IGF2BP2: variants seen among roughly 807,000 people sequenced by gnomAD.
The protein encoded by IGF2BP2 is insulin like growth factor 2 mRNA binding protein 2.
Under a neutral mutation model 75.8 loss-of-function variants are expected in IGF2BP2, and 17 were observed. The ratio of observed to expected loss-of-function variants is 0.22; its 90% CI spans 0.15 to 0.34. The LOEUF (loss-of-function observed/expected upper bound fraction) is 0.34, where lower values mean the gene tolerates loss of function less well. Among genes scored for constraint, IGF2BP2 ranks in the 10% least tolerant of loss-of-function variants. The pLI is 1.00. For missense variants in IGF2BP2, 516 were observed against 772.4 expected (o/e 0.67, Z 3.93); for synonymous variants, 288 against 295.6 (o/e 0.97, Z 0.26).
chr3:185,747,829 T>TTTTATTCTACTCTACTCTAC (rs141896584), intron 2 of IGF2BP2, among the ~76,000 whole-genome samples: 1 of 150,528 alleles, frequency 6.6e-6, no homozygotes, highest in Non-Finnish European at 1.5e-5. Flanking sequence ...TTTTATTTTA[T>TTTTATTCTACTCTACTCTAC]TCTACTCTAC....
At chr3:185,787,689 C>CA (rs1451558838) in intron 2 of IGF2BP2, among the ~76,000 whole-genome samples, 1 of 151,788 alleles carries the variant, frequency 6.6e-6, no homozygotes, top group African/African-American at 2.4e-5. Context: ...GCTAAGATCA[C>CA]ACCACTGCAC....
At chr3:185,716,298 T>C in intron 2 of IGF2BP2, 1 of 381,270 alleles carries the variant, frequency 2.6e-6, no homozygotes, top group Non-Finnish European at 5.2e-6. Context: ...TGGAATTCTT[T>C]TAATGATATT....
intron 2 of IGF2BP2, among the ~76,000 whole-genome samples, chr3:185,769,830 C>CAAAAA (rs35418660): frequency 3.9e-5 from 3 of 77,202 alleles, no homozygotes; most frequent in African/African-American, 9.6e-5. Flanking sequence ...ACCCTGTCTC[C>CAAAAA]AAAAAAAAAA....
At chr3:185,759,252 G>C (rs556949865) in intron 2 of IGF2BP2, among the ~76,000 whole-genome samples, 127 of 152,242 alleles carry the variant, frequency 8.3e-4, no homozygotes, top group Middle Eastern at 3.4e-3. Context: ...TGAGAACAAA[G>C]AGAAACGGAA....
At chr3:185,763,868 T>C (rs2149707905) in intron 2 of IGF2BP2, among the ~76,000 whole-genome samples, 1 of 152,262 alleles carries the variant, frequency 6.6e-6, no homozygotes, top group Admixed American at 6.5e-5. Context: ...AGGAGAAATC[T>C]GTTTGAAGGA....
At chr3:185,776,907 G>A (rs1734600892) in intron 2 of IGF2BP2, among the ~76,000 whole-genome samples, 1 of 152,164 alleles carries the variant, frequency 6.6e-6, no homozygotes, top group African/African-American at 2.4e-5. Context: ...CAATAAAACA[G>A]TGCAATATAA....
intron 2 of IGF2BP2, among the ~76,000 whole-genome samples, chr3:185,789,435 A>G (rs897262427): frequency 1.3e-5 from 2 of 152,202 alleles, no homozygotes; most frequent in Non-Finnish European, 2.9e-5. Context: ...GTTTTCTCTC[A>G]GATCACAGCA....
intron 2 of IGF2BP2, chr3:185,729,882 ATCTTC>A (rs1440845733): frequency 1.3e-5 from 2 of 152,254 alleles, no homozygotes; most frequent in African/African-American, 4.8e-5. Flanking sequence ...GAATATATGT[ATCTTC>A]TCTTAAGCAA....
chr3:185,647,817 C>A lies in IGF2BP2; in HGVS notation c.1594-679G>T, dbSNP rs1414448427. ...ACTGCACGCTTCCTGAGGGCTCAGA[C>A]CCCGTCCTCTGGCCCTCTGGCCTGA... is the stretch of plus-strand genomic sequence containing the variant. On this transcript the variant is annotated intron_variant, in intron 14 of 15. Coordinates refer to ENST00000382199, the MANE Select transcript of IGF2BP2 (RefSeq NM_006548.6). This position sits in a 1 kb window ranked among gnomAD's most constrained non-coding sequence, Gnocchi z 4.9. Among the ~76,000 whole-genome samples the A allele has an allele frequency of 6.6e-6, 1 of 152,270 alleles. No homozygotes were observed. Among genetic ancestry groups the A allele is most frequent in the Non-Finnish European group, 1.5e-5 (1 of 68,052 alleles).
intron 2 of IGF2BP2, among the ~76,000 whole-genome samples, chr3:185,700,191 G>A (rs1212696420): frequency 6.6e-6 from 1 of 151,928 alleles, no homozygotes; most frequent in Admixed American, 6.6e-5. Flanking sequence ...TACAACTCAA[G>A]CAGAAAGAGA....
chr3:185,786,058 T>C (rs1735837456), intron 2 of IGF2BP2, among the ~76,000 whole-genome samples: 1 of 151,412 alleles, frequency 6.6e-6, no homozygotes, highest in South Asian at 2.1e-4. Context: ...TCTTTCATTA[T>C]CGCTCCCCTA....
At chr3:185,701,982 C>T (rs577359657) in intron 2 of IGF2BP2, among the ~76,000 whole-genome samples, 92 of 152,230 alleles carry the variant, frequency 6.0e-4, no homozygotes, top group African/African-American at 2.2e-3. Context: ...GGGAGGGACT[C>T]TGGCATGTCC....
At chr3:185,690,799 T>C (rs1318849703) in intron 5 of IGF2BP2, among the ~76,000 whole-genome samples, 1 of 152,224 alleles carries the variant, frequency 6.6e-6, no homozygotes, top group Non-Finnish European at 1.5e-5. Flanking sequence ...ATTTATCAAT[T>C]TGATAGGGGA....
chr3:185,643,437 T>G lies in IGF2BP2; in HGVS notation c.*2094A>C, dbSNP rs1264506256. ...GCGCACAGCAATCACCCAGAGGCCTTGCTGAAAAGGTTGCTGGGCCTCACC... is the reference window on the plus strand; with the variant it reads ...GCGCACAGCAATCACCCAGAGGCCTGGCTGAAAAGGTTGCTGGGCCTCACC... On this transcript the variant is annotated 3_prime_UTR_variant, in exon 16 of 16. Coordinates refer to ENST00000382199, the MANE Select transcript of IGF2BP2 (RefSeq NM_006548.6). Among the ~76,000 whole-genome samples the G allele has an allele frequency of 6.6e-6, 1 of 152,230 alleles. No individual in the cohort carries two copies. The highest frequency in any genetic ancestry group is 1.9e-4 in the East Asian group (1 of 5,202).
At chr3:185,682,115 A>G (rs1410437157) in intron 7 of IGF2BP2, among the ~76,000 whole-genome samples, 9 of 152,210 alleles carry the variant, frequency 5.9e-5, no homozygotes, top group Admixed American at 5.9e-4. Flanking sequence ...CAACAGAGTG[A>G]AAGGTCAACC....
chr3:185,724,052 C>T (rs141425040), intron 2 of IGF2BP2, among the ~76,000 whole-genome samples: 10 of 152,278 alleles, frequency 6.6e-5, no homozygotes, highest in South Asian at 2.1e-4. Context: ...AATGAGCATG[C>T]GGTCACAGCA....
At chr3:185,715,043 T>C (rs1185233050) in intron 2 of IGF2BP2, among the ~76,000 whole-genome samples, 2 of 151,942 alleles carry the variant, frequency 1.3e-5, no homozygotes. Flanking sequence ...GCCTGCACCA[T>C]GATGGAGGGT....
At chr3:185,682,601 T>A (rs552114374) in intron 7 of IGF2BP2, among the ~76,000 whole-genome samples, 1 of 152,288 alleles carries the variant, frequency 6.6e-6, no homozygotes, top group South Asian at 2.1e-4. Context: ...GAATCAAATA[T>A]CTCAATTAGA....
intron 2 of IGF2BP2, among the ~76,000 whole-genome samples, chr3:185,711,995 A>G (rs1278943534): frequency 6.6e-6 from 1 of 152,136 alleles, no homozygotes. Context: ...TGCTCAGGAG[A>G]GTTGGTGCCT....
Sources: allele counts gnomAD v4.1 joint callset (sites outside exome capture counted in the v4.1 genomes callset), GRCh38; gene constraint gnomAD v4.1.1; non-coding constraint Gnocchi (gnomAD v3.1); transcripts MANE v1.5; gene names NCBI Gene and HGNC (gene_info 2026-07-23, HGNC 2026-07-21).